ANKFN1: variants seen among roughly 807,000 people sequenced by gnomAD.
ANKFN1 encodes the protein ankyrin repeat and fibronectin type-III domain-containing protein 1.
Under a neutral mutation model 108.7 loss-of-function variants are expected in ANKFN1, and 74 were observed. The observed-to-expected ratio is 0.68, with a 90% CI of 0.56 to 0.83. The LOEUF (loss-of-function observed/expected upper bound fraction) is 0.83. Among genes scored for constraint, ANKFN1 ranks in the 40% least tolerant of loss-of-function variants. ANKFN1 has a pLI of 0.00. For synonymous variants in ANKFN1, 547 were observed against 516.2 expected (o/e 1.06, Z -0.81); for missense variants, 1,505 against 1,382.3 (o/e 1.09, Z -1.41).
chr17:56,110,727 C>T (rs1161666602), intron 4 of ANKFN1, among the ~76,000 whole-genome samples: 2 of 152,196 alleles, frequency 1.3e-5, no homozygotes, highest in Admixed American at 1.3e-4. Context: ...TTAAACCATG[C>T]TGCAGGTAAC....
chr17:56,442,974 C>T (rs1052188955), intron 10 of ANKFN1, 41 bp downstream of exon 10: 2 of 1,591,532 alleles, frequency 1.3e-6, no homozygotes, highest in Non-Finnish European at 1.7e-6. Context: ...TGGTAACAGA[C>T]TCCAACTGCA....
At chr17:56,328,606 C>T (rs978121392) in intron 4 of ANKFN1, among the ~76,000 whole-genome samples, 20 of 152,110 alleles carry the variant, frequency 1.3e-4, no homozygotes, top group African/African-American at 4.8e-4. Context: ...TTATTTCACT[C>T]TTCATCAGAA....
intron 3 of ANKFN1, among the ~76,000 whole-genome samples, chr17:56,231,337 C>G (rs776576262): frequency 6.6e-6 from 1 of 152,160 alleles, no homozygotes; most frequent in Non-Finnish European, 1.5e-5. Context: ...ATTCTGGGTG[C>G]CTTTTCTTCC....
intron 3 of ANKFN1, among the ~76,000 whole-genome samples, chr17:56,312,826 A>T (rs1248817332): frequency 6.6e-6 from 1 of 152,240 alleles, no homozygotes; most frequent in Non-Finnish European, 1.5e-5. Flanking sequence ...CGACAAGTAA[A>T]GAAAGTAGTT....
chr17:56,508,142 A>G (rs1444029212), intron 20 of ANKFN1, among the ~76,000 whole-genome samples: 1 of 152,182 alleles, frequency 6.6e-6, no homozygotes, highest in East Asian at 1.9e-4. Flanking sequence ...ATTTGGAGGG[A>G]AAATGTAGCT....
chr17:56,132,236 C>T (rs1907323654), intron 4 of ANKFN1, among the ~76,000 whole-genome samples: 1 of 152,182 alleles, frequency 6.6e-6, no homozygotes, highest in South Asian at 2.1e-4. Context: ...CCTCTCAGCT[C>T]ATTGAGGATG....
At chr17:56,103,786 GT>G (rs1905692517) in intron 4 of ANKFN1, among the ~76,000 whole-genome samples, 1 of 152,192 alleles carries the variant, frequency 6.6e-6, no homozygotes, top group African/African-American at 2.4e-5. Flanking sequence ...TTGGTAGAGG[GT>G]TATGTACAGA....
At chr17:56,400,800 A>G (rs2047737416) in intron 8 of ANKFN1, among the ~76,000 whole-genome samples, 1 of 152,076 alleles carries the variant, frequency 6.6e-6, no homozygotes, top group Admixed American at 6.6e-5. Flanking sequence ...TCATTCTCCT[A>G]CATGTGGCTA....
chr17:56,407,931 C>CTTTTTTTTTTTTTTT (rs761975892), intron 8 of ANKFN1, among the ~76,000 whole-genome samples: 2 of 104,622 alleles, frequency 1.9e-5, no homozygotes, highest in African/African-American at 3.4e-5. Context: ...TCTTTTTTAT[C>CTTTTTTTTTTTTTTT]TTTTTTTTTT....
intron 3 of ANKFN1, among the ~76,000 whole-genome samples, chr17:56,284,435 A>G (rs2044165373): frequency 6.6e-6 from 1 of 152,178 alleles, no homozygotes; most frequent in African/African-American, 2.4e-5. Flanking sequence ...AAGTAAACAC[A>G]TAGTCAATCT....
intron 1 of ANKFN1, among the ~76,000 whole-genome samples, chr17:56,176,497 G>T (rs183537935): frequency 1.3e-5 from 2 of 152,178 alleles, no homozygotes; most frequent in African/African-American, 4.8e-5. Flanking sequence ...CATTCAATGC[G>T]CACAAGGAGT....
chr17:56,456,792 G>A, intron 11 of ANKFN1, 69 bp from the exon 12 acceptor site: 1 of 1,310,902 alleles, frequency 7.6e-7, no homozygotes, highest in Non-Finnish European at 1.1e-6. Context: ...CAGGAAGGTA[G>A]GAAAATGGAA....
At chr17:56,104,731 C>T (rs146732313) in intron 4 of ANKFN1, among the ~76,000 whole-genome samples, 2 of 152,304 alleles carry the variant, frequency 1.3e-5, no homozygotes, top group African/African-American at 4.8e-5. Flanking sequence ...TGTGCTTCTG[C>T]TCTGCTCCCT....
intron 4 of ANKFN1, among the ~76,000 whole-genome samples, chr17:56,147,497 C>A (rs1038200033): frequency 3.3e-5 from 5 of 152,278 alleles, no homozygotes; most frequent in Middle Eastern, 3.4e-3. Flanking sequence ...GAAGCAGGCA[C>A]CTTCTTCACA....
chr17:56,319,027 A>G (rs940620238), intron 3 of ANKFN1, among the ~76,000 whole-genome samples: 1 of 152,202 alleles, frequency 6.6e-6, no homozygotes, highest in Non-Finnish European at 1.5e-5. Context: ...AACTGCAGAT[A>G]TTTCAATATT....
chr17:56,480,008 C>T (rs185510288), intron 16 of ANKFN1, among the ~76,000 whole-genome samples: 1 of 152,190 alleles, frequency 6.6e-6, no homozygotes, highest in Admixed American at 6.5e-5. Flanking sequence ...CCATTCTTTT[C>T]CCTTCCCTTC....
chr17:56,105,707 T>TTGTC (rs778835232), intron 4 of ANKFN1, among the ~76,000 whole-genome samples: 59 of 76,336 alleles, frequency 7.7e-4, no homozygotes, highest in Non-Finnish European at 8.5e-4. Flanking sequence ...GGGGGTTTTT[T>TTGTC]TGTCTGTGTG....
intron 8 of ANKFN1, among the ~76,000 whole-genome samples, chr17:56,386,201 C>T (rs1044624473): frequency 2.0e-5 from 3 of 151,692 alleles, no homozygotes; most frequent in African/African-American, 4.8e-5. Flanking sequence ...AATCATCATT[C>T]TCAGTAAACT....
chr17:56,511,181 T>A lies in ANKFN1; in HGVS notation c.3353T>A (p.Ile1118Asn). ...ASLSPPSGGRITLPSPTGPDV... is the reference protein window; with the variant it reads ...ASLSPPSGGRNTLPSPTGPDV... The stretch of plus-strand genomic sequence containing the variant: ...TTGAGCCCGCCCTCTGGAGGCCGCA[T>A]CACCCTGCCCAGCCCCACTGGCCCC... Residue 1118 changes from isoleucine (I) to asparagine (N), a missense_variant, in exon 21 of 21, where the codon ATC becomes AAC. Ile to Asn is a moderately radical substitution (Grantham distance 149). Transcript: ENST00000682825. The A allele has an allele frequency of 6.5e-7, 1 of 1,536,006 alleles. No individual in the cohort carries two copies. Among genetic ancestry groups the A allele is most frequent in the African/African-American group, 1.4e-5 (1 of 73,172 alleles).
Sources: allele counts gnomAD v4.1 joint callset (sites outside exome capture counted in the v4.1 genomes callset), GRCh38; gene constraint gnomAD v4.1.1; transcripts MANE v1.5; gene names NCBI Gene and HGNC (gene_info 2026-07-23, HGNC 2026-07-21).